ANKUB1: variants seen among roughly 807,000 people sequenced by gnomAD.
The protein encoded by ANKUB1 is protein ANKUB1.
ANKUB1 carries 42 observed loss-of-function variants against 49.3 expected under a neutral mutation model. The ratio of observed to expected loss-of-function variants is 0.85; its 90% CI spans 0.67 to 1.10. The LOEUF is 1.10. ANKUB1 is among the 50% of genes least tolerant of loss of function. The pLI, the probability that ANKUB1 is intolerant of heterozygous loss-of-function variation, is 0.00. For missense variants in ANKUB1, 613 were observed against 642.0 expected, an observed-to-expected ratio of 0.95 and a Z score of 0.49; for synonymous variants, 222 against 231.0, an observed-to-expected ratio of 0.96 and a Z score of 0.35.
chr3:149,784,567 G>C (rs1163224243), intron 2 of ANKUB1, among the ~76,000 whole-genome samples: 1 of 152,258 alleles, frequency 6.6e-6, no homozygotes, highest in Non-Finnish European at 1.5e-5. Flanking sequence ...TTAGTTCTGG[G>C]GCGTGCTTTA....
chr3:149,778,300 C>T (rs549713953), intron 3 of ANKUB1: 2 of 152,322 alleles, frequency 1.3e-5, no homozygotes, highest in South Asian at 4.1e-4. Context: ...TGAACACCCT[C>T]ATTTCCTAAA....
intron 1 of ANKUB1, among the ~76,000 whole-genome samples, chr3:149,791,380 A>G (rs1176061279): frequency 6.6e-6 from 1 of 152,228 alleles, no homozygotes; most frequent in Non-Finnish European, 1.5e-5. Flanking sequence ...ACATGTCACT[A>G]TATCATACAT....
chr3:149,782,234 A>G (rs1717902823), intron 2 of ANKUB1, among the ~76,000 whole-genome samples: 1 of 152,184 alleles, frequency 6.6e-6, no homozygotes, highest in Admixed American at 6.5e-5. Flanking sequence ...TGCAAACAAA[A>G]TAACAGAGTC....
intron 3 of ANKUB1, among the ~76,000 whole-genome samples, chr3:149,775,156 T>A (rs915083220): frequency 6.6e-6 from 1 of 152,204 alleles, no homozygotes; most frequent in Non-Finnish European, 1.5e-5. Flanking sequence ...ATTTAGGCAA[T>A]CATCTTCAAC....
At chr3:149,770,414 T>C in intron 4 of ANKUB1, 146 bp downstream of exon 4, 3 of 621,036 alleles carry the variant, frequency 4.8e-6, no homozygotes, top group Non-Finnish European at 8.4e-6. Context: ...ATGTCAATAA[T>C]AATATTTGGT....
chr3:149,771,307 G>A (rs1472810166), intron 3 of ANKUB1, among the ~76,000 whole-genome samples: 1 of 152,098 alleles, frequency 6.6e-6, no homozygotes, highest in Non-Finnish European at 1.5e-5. Context: ...CAAGTTCCCT[G>A]GGGATTAAAC....
chr3:149,781,168 G>T (rs1431949437), intron 2 of ANKUB1, among the ~76,000 whole-genome samples: 1 of 152,054 alleles, frequency 6.6e-6, no homozygotes, highest in African/African-American at 2.4e-5. Context: ...CATAGGTTTA[G>T]AAAAGTTTCT....
chr3:149,764,877 A>G (rs1356618852), intron 5 of ANKUB1, among the ~76,000 whole-genome samples: 1 of 151,816 alleles, frequency 6.6e-6, no homozygotes, highest in African/African-American at 2.4e-5. Context: ...AAAAAAGCAC[A>G]CTGGTAGTCT....
chr3:149,767,413 A>G lies in ANKUB1; in HGVS notation c.1249T>C (p.Ser417Pro). ...TGTTGTTGATGTTTTTGTAATTCAG[A>G]GAATGAACTTGCATTCACCAGTGGA... Reference protein sequence around the residue: ...FHPLVNASSFSELQKHQQQNQ... With the variant: ...FHPLVNASSFPELQKHQQQNQ... Residue 417 changes from serine to proline, a missense_variant, in exon 5 of 6, where the codon TCT (serine) becomes CCT (proline). Physicochemically the swap from Ser to Pro is moderately conservative, Grantham distance 74. Coordinates refer to ENST00000446160, the MANE Select transcript of ANKUB1 (RefSeq NM_001144960.3). The G allele has an allele frequency of 6.4e-7, 1 of 1,551,694 alleles. No individual in the cohort carries two copies.
chr3:149,792,368 G>T lies in ANKUB1; in HGVS notation c.-2C>A. ...TTCAAAGGCGATGAAAATCCTCATT[G>T]TACAATTACCTTTTCAAACAAAAAA... On this transcript the variant is annotated 5_prime_UTR_variant, in exon 1 of 6. Coordinates refer to ENST00000446160, the MANE Select transcript of ANKUB1 (RefSeq NM_001144960.3). The T allele has an allele frequency of 6.7e-7, 1 of 1,484,706 alleles. No individual in the cohort carries two copies. The highest frequency in any genetic ancestry group is 9.0e-7 in the Non-Finnish European group (1 of 1,111,900). The allele number at this position is 1,484,706 out of a possible 1,614,324, so 92.0% of individuals were successfully genotyped here. A position where few individuals can be genotyped will look rare whatever the true frequency, so the allele number is the denominator to read the frequency against.
chr3:149,773,775 C>T (rs944088385), intron 3 of ANKUB1, among the ~76,000 whole-genome samples: 10 of 152,026 alleles, frequency 6.6e-5, no homozygotes, highest in Non-Finnish European at 1.5e-4. Flanking sequence ...CCGCAGCCTC[C>T]TTAGTCCTCC....
intron 2 of ANKUB1, among the ~76,000 whole-genome samples, chr3:149,784,699 A>G (rs1281642728): frequency 1.3e-5 from 2 of 152,162 alleles, no homozygotes; most frequent in East Asian, 3.9e-4. Flanking sequence ...GCTGCTTCCA[A>G]CTAAGAACCA....
Position 149,761,399 on chromosome 3 carries a change from T to G in ANKUB1, c.*85A>C. On this transcript the variant is annotated 3_prime_UTR_variant, in exon 6 of 6. Coordinates refer to ENST00000446160, the MANE Select transcript of ANKUB1 (RefSeq NM_001144960.3). ...TAACTGTTACTAGAGATGATAACAT[T>G]AGAACTGTTATTAGAAATGTTAACA... is the stretch of plus-strand genomic sequence containing the variant. 1 of 1,457,150 alleles carries G rather than the reference T, an allele frequency of 6.9e-7. No homozygotes were observed. The highest frequency in any genetic ancestry group is 1.4e-5 in the African/African-American group (1 of 70,432). 90.3% of individuals were successfully genotyped at this position (1,457,150 alleles called of 1,614,324 possible).
rs781242500 is a variant in ANKUB1, at chr3:149,767,614, C to T, written c.1048G>A (p.Asp350Asn). The T allele has an allele frequency of 2.6e-6, 4 of 1,551,542 alleles. No homozygotes were observed. The highest frequency in any genetic ancestry group is 2.4e-5 in the South Asian group (2 of 84,070). Residue 350 changes from aspartate to asparagine, a missense_variant, in exon 5 of 6, where the codon GAT becomes AAT. Asp to Asn is a conservative substitution (Grantham distance 23, BLOSUM62 1). Transcript: ENST00000446160. The part of the protein sequence containing the change: ...GAKVGDTVMV[D>N]GFTKPKMTSK... The stretch of plus-strand genomic sequence containing the variant: ...GTCATTTTTGGTTTGGTGAAACCAT[C>T]CACCATCACAGTGTCTCCAACTTTT...
intron 3 of ANKUB1, among the ~76,000 whole-genome samples, chr3:149,774,249 C>T (rs1216182484): frequency 6.6e-6 from 1 of 152,028 alleles, no homozygotes; most frequent in African/African-American, 2.4e-5. Flanking sequence ...TCGATGTCAA[C>T]ATCAGCTTAT....
chr3:149,773,840 G>A (rs537253165), intron 3 of ANKUB1, among the ~76,000 whole-genome samples: 9 of 152,292 alleles, frequency 5.9e-5, no homozygotes, highest in African/African-American at 1.7e-4. Context: ...CAGGTCCAGA[G>A]AACAACCTTA....
chr3:149,777,596 C>T (rs1310447940), intron 3 of ANKUB1, among the ~76,000 whole-genome samples: 4 of 152,240 alleles, frequency 2.6e-5, no homozygotes, highest in Non-Finnish European at 5.9e-5. Flanking sequence ...CCTCCTTCTG[C>T]CCTTGGCTGT....
At chr3:149,784,014 G>T (rs540995861) in intron 2 of ANKUB1, 4 of 152,176 alleles carry the variant, frequency 2.6e-5, no homozygotes, top group Non-Finnish European at 4.4e-5. Context: ...ATTGGATTTT[G>T]GTGTTTATAC....
In ANKUB1 at chr3:149,790,812, G is replaced by A. The variant is rs1237156272; in HGVS notation, c.203C>T (p.Ser68Phe). ...AAAGCATTTGAGAGTTGAACAGAAA[G>A]ATATTCCAACATCAGCAAGACTCCA... Reference protein sequence around the residue: ...DSWSLADVGISFCSTLKCFVK... With the variant: ...DSWSLADVGIFFCSTLKCFVK... Residue 68 changes from serine (S) to phenylalanine (F), a missense_variant, in exon 2 of 6, where the codon TCT becomes TTT. Coordinates refer to ENST00000446160, the MANE Select transcript of ANKUB1 (RefSeq NM_001144960.3). 1 of 1,551,740 alleles carries A rather than the reference G, an allele frequency of 6.4e-7. No homozygotes were observed. Among genetic ancestry groups the A allele is most frequent in the Admixed American group, 2.0e-5 (1 of 50,952 alleles).
Sources: gnomAD v4.1 joint callset for allele counts (sites outside exome capture counted in the v4.1 genomes callset) on GRCh38, gnomAD v4.1.1 for gene constraint, MANE v1.5 for transcripts, NCBI Gene and HGNC (gene_info 2026-07-23, HGNC 2026-07-21) for gene names.